The following THSD7B variants were observed in gnomAD, a reference collection of about 807,000 sequenced individuals.
THSD7B encodes the protein thrombospondin type 1 domain containing 7B, also known as thrombospondin type-1 domain-containing protein 7B.
Under a neutral mutation model 213.6 loss-of-function variants are expected in THSD7B, and 138 were observed. The observed-to-expected ratio is 0.65, with a 90% CI of 0.56 to 0.74. The LOEUF is 0.74. Among genes scored for constraint, THSD7B ranks in the 30% least tolerant of loss-of-function variants. THSD7B has a pLI of 0.00. For synonymous variants in THSD7B, 742 were observed against 687.0 expected (o/e 1.08, Z -1.25); for missense variants, 1,931 against 1,991.5 (o/e 0.97, Z 0.58).
At chr2:137,101,798 C>T (rs1195834397) in intron 4 of THSD7B, among the ~76,000 whole-genome samples, 1 of 152,186 alleles carries the variant, frequency 6.6e-6, no homozygotes, top group East Asian at 1.9e-4. Context: ...GTGGAGTCCA[C>T]CACCGCGCCA....
chr2:137,470,600 C>T (rs1688072912), intron 15 of THSD7B, among the ~76,000 whole-genome samples: 1 of 152,210 alleles, frequency 6.6e-6, no homozygotes, highest in Non-Finnish European at 1.5e-5. Context: ...CATGATGTTG[C>T]AAATTTTCTT....
At chr2:136,875,439 A>G (rs1446487190) in intron 1 of THSD7B, among the ~76,000 whole-genome samples, 2 of 152,190 alleles carry the variant, frequency 1.3e-5, no homozygotes, top group Non-Finnish European at 1.5e-5. Context: ...AAAGAAAGAA[A>G]GAAATCCATT....
intron 14 of THSD7B, among the ~76,000 whole-genome samples, chr2:137,424,840 G>C (rs1184378327): frequency 6.6e-6 from 1 of 152,008 alleles, no homozygotes; most frequent in Non-Finnish European, 1.5e-5. Flanking sequence ...GGGAGGCCGA[G>C]GGAGGCAGAT....
chr2:137,062,230 T>C (rs1027387595), intron 3 of THSD7B, among the ~76,000 whole-genome samples: 4 of 151,652 alleles, frequency 2.6e-5, no homozygotes, highest in African/African-American at 9.7e-5. Context: ...TCCTCTCTTT[T>C]TTTTCCTAAC....
At chr2:137,177,787 T>C (rs1680385692) in intron 7 of THSD7B, among the ~76,000 whole-genome samples, 2 of 152,094 alleles carry the variant, frequency 1.3e-5, no homozygotes, top group Admixed American at 1.3e-4. Flanking sequence ...AGAATAGTAT[T>C]GGTCCAGGCA....
rs117173346 is a variant in THSD7B, at chr2:136,989,594, A to G, written c.140-66826A>G. ...AGAAGGAAACCTAATTTCTTTATAA[A>G]TTACCCAGCCTCAGGTATTCCTTCA... On this transcript the variant is annotated intron_variant, in intron 2 of 27. Coordinates refer to ENST00000409968, the MANE Select transcript of THSD7B (RefSeq NM_001316349.2). 9.3e-4 allele frequency among the ~76,000 whole-genome samples: 141 copies of G among 152,304 alleles called. 1 individual carries two copies. In the East Asian group the frequency reaches 0.018, roughly 19 times the overall value.
intron 1 of THSD7B, among the ~76,000 whole-genome samples, chr2:136,778,616 G>A (rs988969798): frequency 2.6e-5 from 4 of 152,098 alleles, no homozygotes; most frequent in Admixed American, 6.6e-5. Flanking sequence ...CTCTGTTACC[G>A]ATCTAATAAT....
intron 20 of THSD7B, among the ~76,000 whole-genome samples, chr2:137,633,493 C>T (rs1281443954): frequency 6.6e-6 from 1 of 152,072 alleles, no homozygotes; most frequent in South Asian, 2.1e-4. Context: ...ATAACTAGAG[C>T]GTAGTATCTG....
intron 3 of THSD7B, among the ~76,000 whole-genome samples, chr2:137,076,582 G>A (rs535979133): frequency 2.6e-4 from 40 of 152,350 alleles, no homozygotes; most frequent in Middle Eastern, 3.4e-3. Flanking sequence ...CGCACAGTGC[G>A]CTGCACCCAC....
intron 7 of THSD7B, among the ~76,000 whole-genome samples, chr2:137,192,193 G>A (rs1397495462): frequency 1.3e-5 from 2 of 152,122 alleles, no homozygotes; most frequent in African/African-American, 2.4e-5. Flanking sequence ...CAGCTTAATC[G>A]TGGGTATACA....
At chr2:137,300,453 G>T (rs1419639883) in intron 12 of THSD7B, among the ~76,000 whole-genome samples, 1 of 151,988 alleles carries the variant, frequency 6.6e-6, no homozygotes, top group Non-Finnish European at 1.5e-5. Context: ...ATGCAACTTG[G>T]TCCAGTGATT....
rs1370555827 is a variant in THSD7B, at chr2:136,999,511, GT to G, written c.140-56908del. On this transcript the variant is annotated intron_variant, in intron 2 of 27. Transcript: ENST00000409968. The stretch of plus-strand genomic sequence containing the variant: ...ATATTGATTTTGACTTATCCCTTTT[GT>G]GTGTCAATATGAACTTGGCTGAATT... 7.5e-5 allele frequency among the ~76,000 whole-genome samples: 11 copies of G among 146,924 alleles called. No homozygotes were observed. The East Asian group carries it at 2.2e-3, about 29-fold the overall frequency.
intron 3 of THSD7B, among the ~76,000 whole-genome samples, chr2:137,076,061 C>T (rs973779818): frequency 3.9e-5 from 6 of 152,290 alleles, no homozygotes; most frequent in East Asian, 1.9e-4. Flanking sequence ...GCAGTCTGCC[C>T]GTTCTCAGAT....
intron 1 of THSD7B, among the ~76,000 whole-genome samples, chr2:136,783,396 C>A (rs1305830552): frequency 6.6e-6 from 1 of 151,938 alleles, no homozygotes; most frequent in Admixed American, 6.6e-5. Flanking sequence ...TCTCGTTGAA[C>A]CAAAGGGAAT....
intron 1 of THSD7B, among the ~76,000 whole-genome samples, chr2:136,796,447 A>G (rs896053763): frequency 3.9e-5 from 6 of 151,974 alleles, no homozygotes; most frequent in African/African-American, 9.7e-5. Flanking sequence ...CTCTGCAGCC[A>G]TCTAATTCAC....
At chr2:137,658,037 T>A (rs1338961826) in intron 24 of THSD7B, among the ~76,000 whole-genome samples, 2 of 152,214 alleles carry the variant, frequency 1.3e-5, no homozygotes, top group African/African-American at 2.4e-5. Flanking sequence ...AAATGCTTTC[T>A]TGTCAGCAAA....
At chr2:136,987,686 T>C (rs995597292) in intron 2 of THSD7B, among the ~76,000 whole-genome samples, 1 of 152,216 alleles carries the variant, frequency 6.6e-6, no homozygotes, top group Admixed American at 6.5e-5. Flanking sequence ...GCTTGGATTA[T>C]CCCCTCGATA....
Position 137,071,880 on chromosome 2 carries a change from C to A in THSD7B, c.950+14650C>A, listed in dbSNP as rs567751905. ...TAAACAGGGAATCCTTTCCCCATTT[C>A]TTGTTTTTGTCAGGTTTGTCAAAGA... On this transcript the variant is annotated intron_variant, in intron 3 of 27. Coordinates refer to ENST00000409968, the MANE Select transcript of THSD7B (RefSeq NM_001316349.2). 3.9e-5 allele frequency among the ~76,000 whole-genome samples: 6 copies of A among 152,286 alleles called. No homozygotes were observed. In the South Asian group the frequency reaches 1.2e-3, roughly 32 times the overall value.
chr2:136,968,938 A>G lies in THSD7B; in HGVS notation c.139+86621A>G, dbSNP rs1000555739. Among the ~76,000 whole-genome samples, 3 of 152,164 alleles carry G rather than the reference A, an allele frequency of 2.0e-5. No individual in the cohort carries two copies. In the South Asian group the frequency reaches 6.2e-4, roughly 31 times the overall value. On this transcript the variant is annotated intron_variant, in intron 2 of 27. Coordinates refer to ENST00000409968, the MANE Select transcript of THSD7B (RefSeq NM_001316349.2). ...TTTCCCAGTACACAGTAAAAATTAT[A>G]TAACTAAATAAACAATATTAATATA...
Sources: gnomAD v4.1 joint callset for allele counts (sites outside exome capture counted in the v4.1 genomes callset) on GRCh38, gnomAD v4.1.1 for gene constraint, MANE v1.5 for transcripts, NCBI Gene and HGNC (gene_info 2026-07-23, HGNC 2026-07-21) for gene names.